IGDCC3: variants seen among roughly 807,000 people sequenced by gnomAD.
IGDCC3 encodes immunoglobulin superfamily DCC subclass member 3.
IGDCC3 carries 47 observed loss-of-function variants against 72.0 expected under a neutral mutation model. The observed-to-expected ratio is 0.65, with a 90% CI of 0.52 to 0.83. IGDCC3 has a LOEUF of 0.83. Among genes scored for constraint, IGDCC3 ranks in the 40% least tolerant of loss-of-function variants. The pLI is 0.00. For missense variants in IGDCC3, 1,038 were observed against 1,091.3 expected (o/e 0.95, Z 0.69); for synonymous variants, 477 against 472.8 (o/e 1.01, Z -0.11).
intron 2 of IGDCC3, among the ~76,000 whole-genome samples, chr15:65,364,841 A>G (rs903895286): frequency 8.5e-5 from 13 of 152,290 alleles, no homozygotes; most frequent in Middle Eastern, 3.4e-3. Context: ...AGATCGCACC[A>G]CTGAACTCCA....
At chr15:65,348,673 C>A (rs1033920526) in intron 2 of IGDCC3, among the ~76,000 whole-genome samples, 5 of 152,226 alleles carry the variant, frequency 3.3e-5, no homozygotes, top group Middle Eastern at 6.8e-3. Flanking sequence ...GATGCTTGAC[C>A]GACCCCGGGT....
At position 65,350,316 on chromosome 15, in the gene IGDCC3, A is replaced by G. The variant is rs1355845308; in HGVS notation, c.410-14360T>C. ...TGGCTAATTTTTGTATTTGTAGTAG[A>G]GACGGGGTTTCACCATATTGGCCAG... is the stretch of plus-strand genomic sequence containing the variant. On this transcript the variant is annotated intron_variant, in intron 2 of 13. Coordinates refer to ENST00000327987, the MANE Select transcript of IGDCC3 (RefSeq NM_004884.4). 2.6e-5 allele frequency among the ~76,000 whole-genome samples: 4 copies of G among 151,718 alleles called. No individual in the cohort carries two copies. The East Asian group carries it at 5.8e-4, about 22-fold the overall frequency.
At chr15:65,354,443 C>T (rs1272457740) in intron 2 of IGDCC3, among the ~76,000 whole-genome samples, 2 of 152,198 alleles carry the variant, frequency 1.3e-5, no homozygotes, top group Non-Finnish European at 2.9e-5. Flanking sequence ...CCACCGCCTC[C>T]GTCTTCCATA....
intron 6 of IGDCC3, among the ~76,000 whole-genome samples, 171 bp downstream of exon 6, chr15:65,333,086 C>T (rs1423105967): frequency 6.6e-6 from 1 of 152,254 alleles, no homozygotes; most frequent in African/African-American, 2.4e-5. Context: ...CGCAAGCATT[C>T]CTCGGGAAGA....
At chr15:65,355,696 G>T (rs1200547297) in intron 2 of IGDCC3, 1 of 409,322 alleles carries the variant, frequency 2.4e-6, no homozygotes, top group South Asian at 1.6e-5. Context: ...TAGTGTCCGC[G>T]CTGAATGGCG....
chr15:65,367,682 T>C (rs1177470590), intron 2 of IGDCC3, among the ~76,000 whole-genome samples: 1 of 152,004 alleles, frequency 6.6e-6, no homozygotes, highest in Non-Finnish European at 1.5e-5. Context: ...CCTCTCTCAC[T>C]TCAGCTTGGT....
At chr15:65,331,805 T>A in intron 7 of IGDCC3, 136 bp downstream of exon 7, 1 of 1,373,982 alleles carries the variant, frequency 7.3e-7, no homozygotes, top group Non-Finnish European at 9.9e-7. Flanking sequence ...GAACTGGGAC[T>A]CCACCTCAAT....
intron 2 of IGDCC3, among the ~76,000 whole-genome samples, chr15:65,340,413 G>A (rs928940107): frequency 6.6e-6 from 1 of 152,184 alleles, no homozygotes; most frequent in Non-Finnish European, 1.5e-5. Context: ...TGTTTGGATG[G>A]AGAGTTCAAA....
At position 65,335,286 on chromosome 15, in the gene IGDCC3, C is replaced by T; in HGVS notation, c.685+5G>A. ...GGTTGGGGGAAAGTGCTGAAGGACC[C>T]TCACCTGACACAGTGAGCCTGGCCC... is the stretch of plus-strand genomic sequence containing the variant. On this transcript the variant is annotated splice_donor_5th_base_variant and intron_variant, in intron 4 of 13. Transcript: ENST00000327987. The T allele has an allele frequency of 6.2e-7, 1 of 1,605,580 alleles. No individual in the cohort carries two copies. The highest frequency in any genetic ancestry group is 1.3e-5 in the African/African-American group (1 of 74,838).
At chr15:65,330,434 C>A in intron 10 of IGDCC3, 37 bp from the exon 11 acceptor site, 1 of 1,589,164 alleles carries the variant, frequency 6.3e-7, no homozygotes, top group Non-Finnish European at 8.6e-7. Context: ...ACTGCCCCTG[C>A]CCAACCACGT....
chr15:65,372,303 T>C (rs2091330847), intron 2 of IGDCC3, among the ~76,000 whole-genome samples: 1 of 152,190 alleles, frequency 6.6e-6, no homozygotes, highest in African/African-American at 2.4e-5. Flanking sequence ...GGTCTCGTCC[T>C]TAACAAGTCT....
chr15:65,367,434 G>A (rs987154105), intron 2 of IGDCC3, among the ~76,000 whole-genome samples: 16 of 151,296 alleles, frequency 1.1e-4, no homozygotes, highest in African/African-American at 3.4e-4. Context: ...GCTAAATGAC[G>A]AGTTAATGGG....
chr15:65,376,677 A>G (rs991600108), intron 1 of IGDCC3, among the ~76,000 whole-genome samples: 1 of 151,122 alleles, frequency 6.6e-6, no homozygotes, highest in Non-Finnish European at 1.5e-5. Flanking sequence ...CACTTATTCA[A>G]ACCCCTGCGC....
chr15:65,366,741 G>T (rs574198478), intron 2 of IGDCC3, among the ~76,000 whole-genome samples: 7 of 152,108 alleles, frequency 4.6e-5, no homozygotes, highest in African/African-American at 7.2e-5. Flanking sequence ...CCTGCAGTCT[G>T]GGGGTCTGCC....
chr15:65,340,376 C>G (rs475535), intron 2 of IGDCC3, among the ~76,000 whole-genome samples: 65,113 of 151,992 alleles, frequency 0.43, 15,808 homozygotes, highest in African/African-American at 0.67. Context: ...CCTATCCGGT[C>G]TGTGATGGTA....
intron 2 of IGDCC3, among the ~76,000 whole-genome samples, chr15:65,355,515 GCCCGGAGGACGCGGCGGGCCCCTT>G (rs2091210588): frequency 6.7e-6 from 1 of 150,134 alleles, no homozygotes. Flanking sequence ...GAGGGCGCGA[GCCCGGAGGACGCGGCGGGCCCCTT>G]CCCGGCGGCC....
intron 2 of IGDCC3, among the ~76,000 whole-genome samples, chr15:65,337,567 C>A (rs1019044779): frequency 2.0e-5 from 3 of 152,118 alleles, no homozygotes; most frequent in East Asian, 1.9e-4. Flanking sequence ...GTGAGAGGAT[C>A]CCCAGGGAGC....
Position 65,334,810 on chromosome 15 carries a change from GAGGTTCTC to G in IGDCC3, c.733_740del (p.Glu245HisfsTer11). On this transcript the variant is annotated frameshift_variant, in exon 5 of 14. Coordinates refer to ENST00000327987, the MANE Select transcript of IGDCC3 (RefSeq NM_004884.4). LOFTEE classifies it high-confidence loss of function. ...CCGCGGTCTGGTGCACTGTCAGGGT[GAGGTTCTC>G]AGGCCCCACGAGGATGGCTGGCTCC... 1 of 1,613,042 alleles carries G rather than the reference GAGGTTCTC, an allele frequency of 6.2e-7. No individual in the cohort carries two copies. Among genetic ancestry groups the G allele is most frequent in the African/African-American group, 1.3e-5 (1 of 75,014 alleles).
chr15:65,375,275 C>T lies in IGDCC3; in HGVS notation c.231G>A (p.Lys77=). The T allele has an allele frequency of 6.2e-7, 1 of 1,614,224 alleles. No homozygotes were observed. Among genetic ancestry groups the T allele is most frequent in the Non-Finnish European group, 8.5e-7 (1 of 1,180,052 alleles). Residue 77 remains lysine, a synonymous_variant, in exon 2 of 14, where the codon AAG becomes AAA. Transcript: ENST00000327987. ...TACTCTCTGGCAGCTCTACCCCATTCTTCCTCCAGGTGATTCGCACTGGAG... is the reference window on the plus strand; with the variant it reads ...TACTCTCTGGCAGCTCTACCCCATTTTTCCTCCAGGTGATTCGCACTGGAG... ...GTPPVRITWR[K]NGVELPESTH...
Sources: gnomAD v4.1 joint callset for allele counts (sites outside exome capture counted in the v4.1 genomes callset) on GRCh38, gnomAD v4.1.1 for gene constraint, MANE v1.5 for transcripts, NCBI Gene and HGNC (gene_info 2026-07-23, HGNC 2026-07-21) for gene names.